Variants in LARP1 observed in about 807,000 individuals in gnomAD.
LARP1 encodes la-related protein 1.
Under a neutral mutation model 122.7 loss-of-function variants are expected in LARP1, and 36 were observed. The observed-to-expected ratio is 0.29, with a 90% CI of 0.22 to 0.39. The LOEUF (loss-of-function observed/expected upper bound fraction) is 0.39. Among genes scored for constraint, LARP1 ranks in the 10% least tolerant of loss-of-function variants. The pLI is 1.00. For missense variants in LARP1, 1,040 were observed against 1,403.6 expected, an observed-to-expected ratio of 0.74 and a Z score of 4.14; for synonymous variants, 539 against 528.7, an observed-to-expected ratio of 1.02 and a Z score of -0.27.
At chr5:154,729,628 A>AATGAATAGGAAC in intron 1 of LARP1, 1 of 415,654 alleles carries the variant, frequency 2.4e-6, no homozygotes, top group Non-Finnish European at 4.7e-6. Context: ...ACCCAAACAC[A>AATGAATAGGAAC]CTTTGTGAGA....
intron 18 of LARP1, among the ~76,000 whole-genome samples, chr5:154,812,517 C>G (rs868129535): frequency 2.2e-4 from 11 of 50,448 alleles, no homozygotes; most frequent in South Asian, 1.1e-3. Flanking sequence ...CCCCCCCCCC[C>G]ACCCCCCCTT....
At chr5:154,706,289 G>A (rs1398424812) in intron 1 of LARP1, among the ~76,000 whole-genome samples, 1 of 115,288 alleles carries the variant, frequency 8.7e-6, no homozygotes. Flanking sequence ...GTGCGACTTT[G>A]TCTCAAAATA....
upstream of LARP1, among the ~76,000 whole-genome samples, chr5:154,708,205 A>T (rs1755041720): frequency 6.6e-6 from 1 of 152,194 alleles, no homozygotes; most frequent in South Asian, 2.1e-4. Flanking sequence ...ATCTCTGCTA[A>T]TGCTTGAAAC....
At position 154,756,178 on chromosome 5, in the gene LARP1, G is replaced by A; in HGVS notation, c.421G>A (p.Gly141Arg). Residue 141 changes from glycine (G) to arginine (R), a missense_variant, in exon 1 of 19, where the codon GGA becomes AGA. By Grantham distance (125) the Gly-to-Arg change is moderately radical. Around this residue, in one of 8 missense-constraint regions of LARP1, gnomAD observed 257 missense variants for 273.3 expected, o/e 0.94. Transcript: ENST00000518297. ...ALPPVLTTVN[G>R]QSPPEHSAPA... is the part of the protein sequence containing the mutation. ...GCCGCCGGTCCTGACCACCGTGAAC[G>A]GACAGTCCCCCCCAGGTGGGTCTCC... is the stretch of plus-strand genomic sequence containing the variant. The A allele has an allele frequency of 1.7e-5, 22 of 1,308,870 alleles. No individual in the cohort carries two copies. The highest frequency in any genetic ancestry group is 2.2e-5 in the Non-Finnish European group (22 of 994,958). 81.1% of individuals were successfully genotyped at this position (1,308,870 alleles called of 1,614,324 possible). A position where few individuals can be genotyped will look rare whatever the true frequency, so the allele number is the denominator to read the frequency against.
intron 1 of LARP1, among the ~76,000 whole-genome samples, chr5:154,763,944 G>C (rs1686389226): frequency 6.6e-6 from 1 of 151,644 alleles, no homozygotes; most frequent in South Asian, 2.1e-4. Context: ...AGCCTTGGGA[G>C]GTAAAGGCTG....
chr5:154,723,019 A>G (rs1005581308), intron 1 of LARP1, among the ~76,000 whole-genome samples: 1 of 152,200 alleles, frequency 6.6e-6, no homozygotes, highest in African/African-American at 2.4e-5. Context: ...TTCAGACAAA[A>G]AAGTAAAGTC....
At chr5:154,795,823 TTATATA>T (rs371297123) in intron 8 of LARP1, among the ~76,000 whole-genome samples, 1 of 134,348 alleles carries the variant, frequency 7.4e-6, no homozygotes, top group Middle Eastern at 3.5e-3. Flanking sequence ...ATATATATAT[TTATATA>T]TATATTTTAT....
chr5:154,808,102 G>GGTA (rs1352449289), intron 15 of LARP1, among the ~76,000 whole-genome samples: 1 of 152,032 alleles, frequency 6.6e-6, no homozygotes, highest in Non-Finnish European at 1.5e-5. Context: ...GGTAAATATT[G>GGTA]GTAATGAGCT....
At chr5:154,691,346 CTGTG>C (rs1416439691) in intron 1 of LARP1, among the ~76,000 whole-genome samples, 1 of 152,126 alleles carries the variant, frequency 6.6e-6, no homozygotes, top group Non-Finnish European at 1.5e-5. Context: ...CACTATCTGA[CTGTG>C]TGACCTTGGG....
rs1481715193 is a variant in LARP1 at position 154,803,651 on chromosome 5, C to T, written c.2345C>T (p.Thr782Ile). Residue 782 changes from threonine to isoleucine, a missense_variant, in exon 13 of 19, where the codon ACC becomes ATC. By Grantham distance (89) the Thr-to-Ile change is moderately conservative (BLOSUM62 -1). Around this residue, in one of 8 missense-constraint regions of LARP1, gnomAD observed 362 missense variants for 533.1 expected, o/e 0.68. Transcript: ENST00000518297. The surrounding 1 kb of genome is among the most constrained non-coding windows in gnomAD (Gnocchi z 4.4). The stretch of plus-strand genomic sequence containing the variant: ...TCACCAAACTACCGCAACACCAGGA[C>T]CCCTCGCACTCCCCGGACACCACAG... ...PESPNYRNTRTPRTPRTPQLK... is the reference protein window; with the variant it reads ...PESPNYRNTRIPRTPRTPQLK... The T allele has an allele frequency of 6.2e-7, 1 of 1,614,182 alleles. No homozygotes were observed. Among genetic ancestry groups the T allele is most frequent in the Admixed American group, 1.7e-5 (1 of 60,024 alleles).
At chr5:154,771,163 T>C (rs1180354003) in intron 1 of LARP1, among the ~76,000 whole-genome samples, 1 of 151,848 alleles carries the variant, frequency 6.6e-6, no homozygotes, top group African/African-American at 2.4e-5. Flanking sequence ...AGTGCAGTGC[T>C]TATCAGTGAG....
intron 1 of LARP1, among the ~76,000 whole-genome samples, chr5:154,765,891 G>T (rs1299524133): frequency 6.6e-6 from 1 of 152,222 alleles, no homozygotes; most frequent in Non-Finnish European, 1.5e-5. Flanking sequence ...AGACATAGGG[G>T]ATACTGCAGT....
intron 1 of LARP1, among the ~76,000 whole-genome samples, chr5:154,758,381 AG>A (rs1368270101): frequency 6.6e-5 from 10 of 152,182 alleles, no homozygotes; most frequent in African/African-American, 2.4e-4. Flanking sequence ...AAGGCAAGAG[AG>A]TGTCTACTTG....
Position 154,790,727 on chromosome 5 carries a change from G to A in LARP1, c.564+17G>A. The A allele has an allele frequency of 6.2e-7, 1 of 1,612,940 alleles. No homozygotes were observed. Among genetic ancestry groups the A allele is most frequent in the Non-Finnish European group, 8.5e-7 (1 of 1,178,870 alleles). The stretch of plus-strand genomic sequence containing the variant: ...AGTGTTCAGGTGAGTCTGTGTGGAA[G>A]AATAGGCAGGTTTGAAGTCTCTTGA... On this transcript the variant is annotated intron_variant, in intron 3 of 18. Coordinates refer to ENST00000518297, the MANE Select transcript of LARP1 (RefSeq NM_033551.3).
Position 154,802,205 on chromosome 5 carries a change from G to T in LARP1, c.1915G>T (p.Asp639Tyr). 6.2e-7 allele frequency: 1 copy of T among 1,614,156 alleles called. No homozygotes were observed. Among genetic ancestry groups the T allele is most frequent in the Non-Finnish European group, 8.5e-7 (1 of 1,180,010 alleles). The part of the protein sequence containing the change: ...EESDYEIDDR[D>Y]VNKILIVTQT... ...ATCTGACTATGAGATTGATGACAGG[G>T]ATGTCAACAAGATCCTCATTGTCAC... Residue 639 changes from aspartate (D) to tyrosine (Y), a missense_variant, in exon 11 of 19, where the codon GAT (aspartate) becomes TAT (tyrosine). Around this residue, in one of 8 missense-constraint regions of LARP1, gnomAD observed 362 missense variants for 533.1 expected, o/e 0.68. Coordinates refer to ENST00000518297, the MANE Select transcript of LARP1 (RefSeq NM_033551.3). This position sits in a 1 kb window ranked among gnomAD's most constrained non-coding sequence, Gnocchi z 5.1.
At chr5:154,692,525 T>A (rs1220271802) in intron 1 of LARP1, among the ~76,000 whole-genome samples, 1 of 152,192 alleles carries the variant, frequency 6.6e-6, no homozygotes, top group Non-Finnish European at 1.5e-5. Context: ...TGTGCCTCCA[T>A]GCATACCTGG....
intron 8 of LARP1, among the ~76,000 whole-genome samples, chr5:154,798,967 C>T (rs776577583): frequency 7.9e-5 from 12 of 152,194 alleles, no homozygotes; most frequent in Admixed American, 2.0e-4. Context: ...TGGGTTCAAG[C>T]GATTCTCCTG....
At chr5:154,801,950 G>A in intron 10 of LARP1, 57 bp from the exon 11 acceptor site, 1 of 1,522,404 alleles carries the variant, frequency 6.6e-7, no homozygotes, top group South Asian at 1.3e-5. Flanking sequence ...TATAGCTACA[G>A]AATCTGGGCC....
chr5:154,798,887 C>T (rs147833043), intron 8 of LARP1, among the ~76,000 whole-genome samples: 10 of 150,778 alleles, frequency 6.6e-5, no homozygotes, highest in South Asian at 2.1e-4. Flanking sequence ...TTGTTTGAGA[C>T]GGAGTCTCGC....
Sources: allele counts gnomAD v4.1 joint callset (sites outside exome capture counted in the v4.1 genomes callset), GRCh38; gene constraint gnomAD v4.1.1; regional missense constraint gnomAD v4.1.1; non-coding constraint Gnocchi (gnomAD v3.1); transcripts MANE v1.5; gene names NCBI Gene and HGNC (gene_info 2026-07-23, HGNC 2026-07-21).